Variants in DNAH3 observed in about 807,000 individuals in gnomAD.
DNAH3 encodes dynein axonemal heavy chain 3.
DNAH3 carries 332 observed loss-of-function variants against 432.5 expected under a neutral mutation model. The observed-to-expected ratio is 0.77, with a 90% CI of 0.70 to 0.84. DNAH3 has a LOEUF of 0.84. DNAH3 is among the 40% of genes least tolerant of loss of function. The probability of loss-of-function intolerance (pLI) is 0.00; values close to 1 mark genes in which losing one functional copy is unlikely to be tolerated. For missense variants in DNAH3, 4,861 were observed against 5,114.0 expected, an observed-to-expected ratio of 0.95 and a Z score of 1.51; for synonymous variants, 1,956 against 1,900.2, an observed-to-expected ratio of 1.03 and a Z score of -0.76.
intron 26 of DNAH3, among the ~76,000 whole-genome samples, chr16:21,059,122 G>C (rs986382406): frequency 6.6e-6 from 1 of 152,138 alleles, no homozygotes; most frequent in Non-Finnish European, 1.5e-5. Flanking sequence ...CTATACATAT[G>C]TGTCTTATAA....
chr16:21,116,674 G>C (rs2092209185), intron 12 of DNAH3, among the ~76,000 whole-genome samples: 1 of 152,134 alleles, frequency 6.6e-6, no homozygotes, highest in African/African-American at 2.4e-5. Flanking sequence ...ATGATTAAAG[G>C]ACATGGCCTG....
chr16:21,111,654 C>T (rs750975681), exon 14 of DNAH3: 1 of 1,613,476 alleles, frequency 6.2e-7, no homozygotes. Flanking sequence ...TTTACATCCA[C>T]TTGGAATTGA....
intron 43 of DNAH3, 69 bp downstream of exon 43, chr16:21,000,155 G>C: frequency 1.3e-6 from 2 of 1,520,702 alleles, no homozygotes; most frequent in South Asian, 1.2e-5. Context: ...ACCACAAGCA[G>C]AAGCTATAGT....
At chr16:20,957,248 T>C (rs1338668140) in intron 54 of DNAH3, among the ~76,000 whole-genome samples, 1 of 152,206 alleles carries the variant, frequency 6.6e-6, no homozygotes, top group African/African-American at 2.4e-5. Context: ...GTACATATTT[T>C]AGACTTTGTG....
intron 28 of DNAH3, among the ~76,000 whole-genome samples, chr16:21,052,729 G>A (rs953268298): frequency 1.3e-5 from 2 of 152,176 alleles, no homozygotes; most frequent in Non-Finnish European, 2.9e-5. Flanking sequence ...CCAAATTCTT[G>A]GAAGTCTGAG....
intron 41 of DNAH3, among the ~76,000 whole-genome samples, chr16:21,013,374 A>T (rs926013167): frequency 2.0e-5 from 3 of 151,990 alleles, no homozygotes; most frequent in Non-Finnish European, 2.9e-5. Context: ...AAAAAAAAAA[A>T]TTGATAAACC....
At chr16:20,985,835 G>C in intron 47 of DNAH3, 120 bp from the exon 48 acceptor site, 1 of 975,226 alleles carries the variant, frequency 1.0e-6, no homozygotes, top group South Asian at 1.6e-5. Flanking sequence ...ATCCTTCAAG[G>C]TCATGGGTCA....
intron 58 of DNAH3, among the ~76,000 whole-genome samples, 185 bp downstream of exon 58, chr16:20,944,310 GT>G (rs2083946920): frequency 6.6e-6 from 1 of 152,204 alleles, no homozygotes; most frequent in Non-Finnish European, 1.5e-5. Context: ...GGAAACACTG[GT>G]TCCCTTGCAG....
intron 25 of DNAH3, 82 bp from the exon 26 acceptor site, chr16:21,060,438 C>G: frequency 1.0e-6 from 1 of 984,132 alleles, no homozygotes; most frequent in East Asian, 2.4e-5. Flanking sequence ...AGCTTTCTCT[C>G]TGGACACGGC....
chr16:21,050,118 G>A (rs2089892797), intron 29 of DNAH3, 100 bp from the exon 30 acceptor site: 4 of 866,984 alleles, frequency 4.6e-6, no homozygotes, highest in Non-Finnish European at 7.1e-6. Flanking sequence ...TTAGGTTAGT[G>A]CAAAAGTGAT....
rs570160044 is a variant in DNAH3, at chr16:20,963,656, G to A, written c.10228C>T (p.Pro3410Ser). The stretch of plus-strand genomic sequence containing the variant: ...TTCTCAGACAGCCATTGGGGAGCTG[G>A]ATTGGGGTAGGGGTTATCCAGTGCG... Residue 3410 changes from proline (P) to serine (S), a missense_variant, in exon 53 of 62, where the codon CCA (proline) becomes TCA (serine). Physicochemically the swap from Pro to Ser is moderately conservative, Grantham distance 74. Coordinates refer to ENST00000261383, the Ensembl canonical transcript of DNAH3. 52 of 1,614,086 alleles carry A rather than the reference G, an allele frequency of 3.2e-5. No individual in the cohort carries two copies. The highest frequency in any genetic ancestry group is 5.3e-5 in the African/African-American group (4 of 75,036).
chr16:21,103,357 G>GGC (rs1010336566), intron 16 of DNAH3, among the ~76,000 whole-genome samples: 7 of 151,236 alleles, frequency 4.6e-5, no homozygotes, highest in Non-Finnish European at 1.0e-4. Context: ...GTGTGTGTGG[G>GGC]GGGGGGCAGG....
At chr16:21,057,948 T>C in intron 27 of DNAH3, 138 bp downstream of exon 27, 1 of 656,376 alleles carries the variant, frequency 1.5e-6, no homozygotes, top group South Asian at 1.8e-5. Flanking sequence ...ACTGTCCTCA[T>C]GGGAACCCTG....
At chr16:20,943,092 T>A (rs1035553571) in intron 58 of DNAH3, among the ~76,000 whole-genome samples, 1 of 151,760 alleles carries the variant, frequency 6.6e-6, no homozygotes, top group Non-Finnish European at 1.5e-5. Context: ...CCCAGTTAAC[T>A]TTTTTTAAGA....
At position 20,952,458 on chromosome 16, in the gene DNAH3, G is replaced by C. The variant is rs756979507; in HGVS notation, c.11163C>G (p.Pro3721=). The C allele has an allele frequency of 1.9e-6, 3 of 1,612,566 alleles. No homozygotes were observed. In the Admixed American group the frequency reaches 5.0e-5, roughly 27 times the overall value. Residue 3721 remains proline (P), a synonymous_variant, in exon 56 of 62, where the codon CCC becomes CCG. Transcript: ENST00000261383. ...CTGTCAGGTAGGTCAGAGCATCAAA[G>C]GGCACCTCCTTGTAGTCATTGAGAA...
chr16:21,053,343 G>A (rs1651383990), intron 28 of DNAH3, among the ~76,000 whole-genome samples: 1 of 152,176 alleles, frequency 6.6e-6, no homozygotes, highest in African/African-American at 2.4e-5. Context: ...TCCCAAGGAA[G>A]AGGGTATAGG....
At chr16:21,053,524 C>T (rs981648482) in intron 28 of DNAH3, among the ~76,000 whole-genome samples, 1 of 152,172 alleles carries the variant, frequency 6.6e-6, no homozygotes, top group African/African-American at 2.4e-5. Flanking sequence ...CCCAACCACA[C>T]TGGGGTACCC....
Position 20,997,386 on chromosome 16 carries a change from A to G in DNAH3, c.6498T>C (p.His2166=), listed in dbSNP as rs34557219. ...TGTCTTTTTTGTCAAACCAGTAACCATGGTCAATCCACTGCCTCAGGAGCT... is the reference window on the plus strand; with the variant it reads ...TGTCTTTTTTGTCAAACCAGTAACCGTGGTCAATCCACTGCCTCAGGAGCT... Residue 2166 remains histidine, a synonymous_variant, in exon 44 of 62, where the codon CAT becomes CAC. Transcript: ENST00000261383. The G allele has an allele frequency of 1.5e-3, 2,481 of 1,614,118 alleles. 43 individuals carry two copies. In the African/African-American group the frequency reaches 0.028, roughly 19 times the overall value.
chr16:21,041,884 G>T, intron 32 of DNAH3, 143 bp downstream of exon 32: 1 of 881,058 alleles, frequency 1.1e-6, no homozygotes, highest in Non-Finnish European at 1.8e-6. Context: ...CATTGGACAG[G>T]CTGATCTCGA....
Sources: gnomAD v4.1 joint callset for allele counts (sites outside exome capture counted in the v4.1 genomes callset) on GRCh38, gnomAD v4.1.1 for gene constraint, MANE v1.5 for transcripts, NCBI Gene and HGNC (gene_info 2026-07-23, HGNC 2026-07-21) for gene names.